The following SMG7 variants were observed in gnomAD, a reference collection of about 807,000 sequenced individuals.
The protein encoded by SMG7 is nonsense-mediated mRNA decay factor SMG7.
A neutral mutation model predicts 148.2 loss-of-function variants in SMG7; 34 were observed. That is an observed-to-expected ratio of 0.23 (90% CI 0.17 to 0.31). SMG7 has a LOEUF of 0.31. Among genes scored for constraint, SMG7 ranks in the 10% least tolerant of loss-of-function variants. SMG7 has a pLI of 1.00. For missense variants in SMG7, 1,114 were observed against 1,408.4 expected (o/e 0.79, Z 3.35); for synonymous variants, 492 against 515.1 (o/e 0.96, Z 0.61).
chr1:183,514,127 C>T (rs1662914078), intron 2 of SMG7, among the ~76,000 whole-genome samples: 1 of 148,090 alleles, frequency 6.8e-6, no homozygotes, highest in Admixed American at 6.8e-5. Flanking sequence ...TCCGTAACAG[C>T]ATATGCCATC....
In SMG7 at chr1:183,519,883, A is replaced by G. The variant is rs553191537; in HGVS notation, c.312+2063A>G. On this transcript the variant is annotated intron_variant, in intron 4 of 22. Coordinates refer to ENST00000688051, the MANE Select transcript of SMG7 (RefSeq NM_001375584.1). ...CAGTTGTTCAAATTGAAATCATTAG[A>G]AAGTTTAAAGTGAAAGTTTAAATAC... Among the ~76,000 whole-genome samples, 11 of 152,254 alleles carry G rather than the reference A, an allele frequency of 7.2e-5. 1 individual carries two copies. In the South Asian group the frequency reaches 1.4e-3, roughly 20 times the overall value.
At chr1:183,521,922 A>G (rs923340562) in intron 4 of SMG7, among the ~76,000 whole-genome samples, 2 of 152,086 alleles carry the variant, frequency 1.3e-5, no homozygotes, top group Admixed American at 6.6e-5. Context: ...AAGGAAGAAC[A>G]TGATCAGATT....
At chr1:183,542,608 A>T (rs1669075639) in intron 14 of SMG7, 106 bp downstream of exon 14, 2 of 863,394 alleles carry the variant, frequency 2.3e-6, no homozygotes, top group Non-Finnish European at 1.8e-6. Flanking sequence ...TGGAAGTTTA[A>T]ATGCATTATT....
intron 1 of SMG7, among the ~76,000 whole-genome samples, chr1:183,504,064 A>C (rs1660361313): frequency 6.6e-6 from 1 of 151,428 alleles, no homozygotes; most frequent in African/African-American, 2.4e-5. Flanking sequence ...CTTTTCCAAC[A>C]CTCCCAGTGG....
chr1:183,553,235 G>T lies in SMG7; in HGVS notation c.*1304G>T. 1 of 1,503,656 alleles carries T rather than the reference G, an allele frequency of 6.7e-7. No homozygotes were observed. Among genetic ancestry groups the T allele is most frequent in the African/African-American group, 1.4e-5 (1 of 72,188 alleles). 93.1% of individuals were successfully genotyped at this position (1,503,656 alleles called of 1,614,324 possible). A position where few individuals can be genotyped will look rare whatever the true frequency, so the allele number is the denominator to read the frequency against. ...TATGATATTTATTAGGAGGAAAGAG[G>T]ACTGAAAATGTTCTTGTGTAGAAAC... On this transcript the variant is annotated 3_prime_UTR_variant, in exon 23 of 23. Transcript: ENST00000688051.
At chr1:183,494,585 G>T (rs1571829421) in intron 1 of SMG7, among the ~76,000 whole-genome samples, 1 of 147,856 alleles carries the variant, frequency 6.8e-6, no homozygotes, top group African/African-American at 2.5e-5. Context: ...AATTTCCTCA[G>T]CTCTTATGTT....
intron 12 of SMG7, 66 bp from the exon 13 acceptor site, chr1:183,540,918 A>G (rs953781021): frequency 2.2e-5 from 34 of 1,530,274 alleles, no homozygotes; most frequent in Non-Finnish European, 2.5e-5. Context: ...AATCAGGTGA[A>G]CTTGGTTGCC....
At chr1:183,472,683 A>G (rs1476219886) in intron 1 of SMG7, 34 bp downstream of exon 1, 12 of 1,443,968 alleles carry the variant, frequency 8.3e-6, no homozygotes, top group Admixed American at 7.3e-5. Context: ...ACGTAGGGGG[A>G]GCGGGCCGCA....
rs1184309250 is a variant in SMG7 at position 183,552,722 on chromosome 1, A to G, written c.*791A>G. ...AGCAGGTAGACTGCTGTAGGATTTC[A>G]AATTACGTTTTTGATTCCTGTACAT... On this transcript the variant is annotated 3_prime_UTR_variant, in exon 23 of 23. Coordinates refer to ENST00000688051, the MANE Select transcript of SMG7 (RefSeq NM_001375584.1). 10 of 1,309,542 alleles carry G rather than the reference A, an allele frequency of 7.6e-6. No individual in the cohort carries two copies. The highest frequency in any genetic ancestry group is 2.9e-4 in the Middle Eastern group (1 of 3,434). 81.1% of individuals were successfully genotyped at this position (1,309,542 alleles called of 1,614,324 possible). A position where few individuals can be genotyped will look rare whatever the true frequency, so the allele number is the denominator to read the frequency against.
chr1:183,516,370 C>T (rs960587230), intron 3 of SMG7, among the ~76,000 whole-genome samples: 10 of 151,938 alleles, frequency 6.6e-5, no homozygotes, highest in Non-Finnish European at 1.3e-4. Context: ...CTTTGTTAAA[C>T]GTGATTCTAT....
intron 14 of SMG7, 58 bp downstream of exon 14, chr1:183,542,560 T>A (rs1669066242): frequency 6.9e-7 from 1 of 1,450,302 alleles, no homozygotes; most frequent in African/African-American, 1.4e-5. Flanking sequence ...AAGGCAAGAT[T>A]TTTCATTTTG....
chr1:183,540,420 A>G (rs1440252857), intron 12 of SMG7, among the ~76,000 whole-genome samples: 1 of 141,490 alleles, frequency 7.1e-6, no homozygotes, highest in Admixed American at 7.0e-5. Flanking sequence ...AAATCTTCTT[A>G]AAAAAAAAAA....
chr1:183,519,705 T>C (rs1269364311), intron 4 of SMG7, among the ~76,000 whole-genome samples: 1 of 152,194 alleles, frequency 6.6e-6, no homozygotes, highest in Non-Finnish European at 1.5e-5. Flanking sequence ...TATACTCTTC[T>C]TGTGTTTCTA....
chr1:183,524,726 G>A (rs1558021195), intron 4 of SMG7, among the ~76,000 whole-genome samples: 1 of 152,016 alleles, frequency 6.6e-6, no homozygotes, highest in Non-Finnish European at 1.5e-5. Flanking sequence ...ATCCTCATCT[G>A]AAAAAAATTG....
chr1:183,472,601 C>CGCGGCGGCG lies in SMG7; in HGVS notation c.-12_-4dup, dbSNP rs747073167. On this transcript the variant is annotated 5_prime_UTR_variant, in exon 1 of 23. Coordinates refer to ENST00000688051, the MANE Select transcript of SMG7 (RefSeq NM_001375584.1). ...GACCCACGGAGGCTTCGCGGGAAGA[C>CGCGGCGGCG]GCGGCGGCGGCGGCGGAGGATGAGC... is the stretch of plus-strand genomic sequence containing the variant. 13 of 1,436,618 alleles carry CGCGGCGGCG rather than the reference C, an allele frequency of 9.0e-6. No homozygotes were observed. The highest frequency in any genetic ancestry group is 1.1e-5 in the Non-Finnish European group (12 of 1,083,276). The allele number at this position is 1,436,618 out of a possible 1,614,324, so 89.0% of individuals were successfully genotyped here.
intron 16 of SMG7, among the ~76,000 whole-genome samples, chr1:183,545,661 ATGT>A (rs377324704): frequency 6.6e-6 from 1 of 152,230 alleles, no homozygotes; most frequent in Non-Finnish European, 1.5e-5. Context: ...CCAATCTTAA[ATGT>A]TGTCGTTGGA....
At chr1:183,492,248 A>G (rs538883584) in intron 1 of SMG7, among the ~76,000 whole-genome samples, 2 of 152,206 alleles carry the variant, frequency 1.3e-5, no homozygotes, top group Non-Finnish European at 2.9e-5. Flanking sequence ...TAAAATTTTC[A>G]TCCAGTTGTT....
chr1:183,549,107 G>A lies in SMG7; in HGVS notation c.2893-101G>A, dbSNP rs141436325. ...GAGCCTCAAATTGTACTCAGTGGGC[G>A]AATACAGGCATGCTTTTGCTTTGGT... On this transcript the variant is annotated intron_variant, in intron 18 of 22. Transcript: ENST00000688051. 1.0e-3 allele frequency: 847 copies of A among 822,708 alleles called. 1 individual carries two copies. Among genetic ancestry groups the A allele is most frequent in the Admixed American group, 4.5e-3 (206 of 45,300 alleles). 51.0% of individuals were successfully genotyped at this position (822,708 alleles called of 1,614,324 possible).
chr1:183,510,183 C>T (rs1241845575), intron 1 of SMG7, among the ~76,000 whole-genome samples: 2 of 151,980 alleles, frequency 1.3e-5, no homozygotes, highest in Non-Finnish European at 1.5e-5. Context: ...TTTGTAACTT[C>T]GCAACTCAAG....
Sources: gnomAD v4.1 joint callset for allele counts (sites outside exome capture counted in the v4.1 genomes callset) on GRCh38, gnomAD v4.1.1 for gene constraint, MANE v1.5 for transcripts, NCBI Gene and HGNC (gene_info 2026-07-23, HGNC 2026-07-21) for gene names.